The following MAGI2 variants were observed in gnomAD, a reference collection of about 807,000 sequenced individuals.
MAGI2 encodes the protein membrane-associated guanylate kinase, WW and PDZ domain-containing protein 2.
Under a neutral mutation model 133.3 loss-of-function variants are expected in MAGI2, and 35 were observed. The observed-to-expected ratio is 0.26, with a 90% CI of 0.20 to 0.35. MAGI2 has a LOEUF of 0.35. MAGI2 is among the 10% of genes least tolerant of loss of function. The probability of loss-of-function intolerance (pLI) is 1.00; values close to 1 mark genes in which losing one functional copy is unlikely to be tolerated. For synonymous variants in MAGI2, 729 were observed against 710.6 expected, an observed-to-expected ratio of 1.03 and a Z score of -0.41; for missense variants, 1,636 against 1,863.4, an observed-to-expected ratio of 0.88 and a Z score of 2.25.
chr7:78,898,001 CAAAG>C (rs1381676819), intron 2 of MAGI2, among the ~76,000 whole-genome samples: 1 of 152,100 alleles, frequency 6.6e-6, no homozygotes, highest in African/African-American at 2.4e-5. Flanking sequence ...AGAAAAATAA[CAAAG>C]AACCCTATTA....
intron 2 of MAGI2, among the ~76,000 whole-genome samples, chr7:78,838,884 A>G (rs1380195508): frequency 6.6e-6 from 1 of 152,128 alleles, no homozygotes; most frequent in Admixed American, 6.6e-5. Context: ...TAGGAGAATC[A>G]GATTCCAAGT....
chr7:78,278,173 C>CA (rs1172803267), intron 9 of MAGI2, among the ~76,000 whole-genome samples: 2 of 152,080 alleles, frequency 1.3e-5, no homozygotes, highest in South Asian at 2.1e-4. Flanking sequence ...CTGGGAATTA[C>CA]AAAAAAACAC....
At chr7:79,168,067 G>T (rs1247636661) in intron 1 of MAGI2, among the ~76,000 whole-genome samples, 11 of 152,100 alleles carry the variant, frequency 7.2e-5, no homozygotes, top group Admixed American at 7.2e-4. Flanking sequence ...TTTCCCATAA[G>T]GGATACTTCT....
intron 3 of MAGI2, among the ~76,000 whole-genome samples, chr7:78,584,850 G>A (rs765715602): frequency 3.6e-4 from 54 of 152,098 alleles, no homozygotes; most frequent in Admixed American, 1.8e-3. Flanking sequence ...GCTGTTTAAT[G>A]GCAAGTTACT....
At chr7:78,486,241 C>T (rs1792989810) in intron 6 of MAGI2, 1 of 151,962 alleles carries the variant, frequency 6.6e-6, no homozygotes, top group African/African-American at 2.4e-5. Context: ...GATCTAGAGG[C>T]AAAAGAGTTA....
Position 78,521,656 on chromosome 7 carries a change from T to C in MAGI2, c.539-11A>G. 1 of 1,607,620 alleles carries C rather than the reference T, an allele frequency of 6.2e-7. No individual in the cohort carries two copies. On this transcript the variant is annotated splice_polypyrimidine_tract_variant and intron_variant, in intron 3 of 21. Transcript: ENST00000354212. ...TACCGTAGTAATTGTCTGCAAACAA[T>C]ACCAAAACATTCTTGGAGTTAAATA...
rs757616246 is a variant in MAGI2, at chr7:78,343,815, C to T, written c.1371G>A (p.Pro457=). The T allele has an allele frequency of 1.0e-5, 16 of 1,607,994 alleles. No homozygotes were observed. The highest frequency in any genetic ancestry group is 1.2e-5 in the Non-Finnish European group (14 of 1,177,812). Residue 457 remains proline (P), a synonymous_variant, in exon 9 of 22, where the codon CCG becomes CCA. Transcript: ENST00000354212. The part of the protein sequence containing the change: ...DEFLQVKSVI[P]DGPAAQDGKM... ...TTCCATCCTGTGCTGCAGGCCCATC[C>T]GGAATCACACTTTTCACCTGCAGAA...
chr7:78,700,556 A>AGTAAAAGTCC (rs1214907292), intron 2 of MAGI2, among the ~76,000 whole-genome samples: 3 of 152,134 alleles, frequency 2.0e-5, no homozygotes, highest in African/African-American at 4.8e-5. Context: ...GACAGTGTTT[A>AGTAAAAGTCC]AACCTGAAAC....
At chr7:79,201,401 A>G (rs1585187835) in intron 1 of MAGI2, among the ~76,000 whole-genome samples, 1 of 152,074 alleles carries the variant, frequency 6.6e-6, no homozygotes, top group African/African-American at 2.4e-5. Flanking sequence ...GTCACAGACA[A>G]TAAAGTTTCT....
chr7:78,799,100 A>G (rs112489140), intron 2 of MAGI2, among the ~76,000 whole-genome samples: 1 of 152,168 alleles, frequency 6.6e-6, no homozygotes, highest in African/African-American at 2.4e-5. Flanking sequence ...TTTGGTCAGG[A>G]CAGGTCATCA....
intron 2 of MAGI2, among the ~76,000 whole-genome samples, chr7:78,694,348 C>T (rs540095462): frequency 6.6e-6 from 1 of 152,290 alleles, no homozygotes; most frequent in South Asian, 2.1e-4. Flanking sequence ...AAGTTTTCAT[C>T]TTTTAAACCA....
At chr7:79,061,998 C>T (rs1813794837) in intron 1 of MAGI2, among the ~76,000 whole-genome samples, 1 of 152,050 alleles carries the variant, frequency 6.6e-6, no homozygotes, top group Admixed American at 6.6e-5. Context: ...ACATGAAATC[C>T]ACAATACATT....
intron 6 of MAGI2, among the ~76,000 whole-genome samples, chr7:78,452,164 A>G (rs1788793808): frequency 1.3e-5 from 2 of 152,078 alleles, no homozygotes. Flanking sequence ...TCTATGAGGT[A>G]TTATTATCCA....
chr7:79,249,854 C>T (rs11977750), intron 1 of MAGI2, among the ~76,000 whole-genome samples: 5,597 of 152,124 alleles, frequency 0.037, 163 homozygotes, highest in African/African-American at 0.072. Flanking sequence ...AAAAAAGAAA[C>T]TTAAGGTCCA....
At chr7:79,397,622 C>T (rs1845154505) in intron 1 of MAGI2, among the ~76,000 whole-genome samples, 1 of 152,042 alleles carries the variant, frequency 6.6e-6, no homozygotes, top group East Asian at 1.9e-4. Flanking sequence ...TTAGTATTAA[C>T]ATTTCTTGAT....
chr7:78,222,194 A>G (rs1788903154), intron 10 of MAGI2, among the ~76,000 whole-genome samples: 2 of 152,160 alleles, frequency 1.3e-5, no homozygotes, highest in Admixed American at 6.5e-5. Flanking sequence ...AATATGCCCC[A>G]TTCCTCGAGG....
At chr7:79,091,722 A>G (rs891231280) in intron 1 of MAGI2, among the ~76,000 whole-genome samples, 1 of 152,030 alleles carries the variant, frequency 6.6e-6, no homozygotes, top group Non-Finnish European at 1.5e-5. Flanking sequence ...TGTGGTAGCC[A>G]CTGAACTCTG....
chr7:78,300,568 C>CAGAT (rs1260171280), intron 9 of MAGI2, among the ~76,000 whole-genome samples: 3 of 152,148 alleles, frequency 2.0e-5, no homozygotes, highest in African/African-American at 4.8e-5. Flanking sequence ...AGCCCATTCA[C>CAGAT]AGATAGAAAT....
At chr7:79,417,077 A>G (rs1169685932) in intron 1 of MAGI2, among the ~76,000 whole-genome samples, 1 of 152,054 alleles carries the variant, frequency 6.6e-6, no homozygotes, top group African/African-American at 2.4e-5. Context: ...ATAATAAAAA[A>G]GTTAAAAATG....
Sources: allele counts gnomAD v4.1 joint callset (sites outside exome capture counted in the v4.1 genomes callset), GRCh38; gene constraint gnomAD v4.1.1; transcripts MANE v1.5; gene names NCBI Gene and HGNC (gene_info 2026-07-23, HGNC 2026-07-21).